The following FIGLA variants were observed in gnomAD, a reference collection of about 807,000 sequenced individuals.
FIGLA encodes factor in the germline alpha.
FIGLA carries 17 observed loss-of-function variants against 21.5 expected under a neutral mutation model. The observed-to-expected ratio is 0.79, with a 90% CI of 0.54 to 1.19. The LOEUF is 1.19. Among genes scored for constraint, FIGLA ranks in the 50% most tolerant of loss-of-function variants. FIGLA has a pLI of 0.00. For missense variants in FIGLA, 282 were observed against 285.0 expected (o/e 0.99, Z 0.08); for synonymous variants, 129 against 117.6 (o/e 1.10, Z -0.63).
At chr2:70,787,022 C>T (rs926240718) in intron 2 of FIGLA, among the ~76,000 whole-genome samples, 1 of 152,172 alleles carries the variant, frequency 6.6e-6, no homozygotes, top group African/African-American at 2.4e-5. Flanking sequence ...TCCATAAAAC[C>T]AGTCCACACT....
intron 3 of FIGLA, among the ~76,000 whole-genome samples, chr2:70,785,193 T>C (rs1675924594): frequency 6.6e-6 from 1 of 152,274 alleles, no homozygotes; most frequent in South Asian, 2.1e-4. Flanking sequence ...TAGGTCTGTA[T>C]TGGGTGGTTC....
intron 1 of FIGLA, among the ~76,000 whole-genome samples, chr2:70,789,103 ATAATGT>A (rs1676009432): frequency 6.6e-6 from 1 of 152,100 alleles, no homozygotes; most frequent in Non-Finnish European, 1.5e-5. Flanking sequence ...AATGCTTTTG[ATAATGT>A]TAAGTGGAAA....
rs781854674 is a variant in FIGLA, at chr2:70,785,614, T to C, written c.410A>G (p.Tyr137Cys). 4.3e-6 allele frequency: 7 copies of C among 1,613,918 alleles called. No homozygotes were observed. Among genetic ancestry groups the C allele is most frequent in the East Asian group, 2.2e-5 (1 of 44,892 alleles). ...ATGTGATTCAGAACTGTTGTTACTATAGCTCTGCTCATCTGGGTCTTGTTT... is the reference window on the plus strand; with the variant it reads ...ATGTGATTCAGAACTGTTGTTACTACAGCTCTGCTCATCTGGGTCTTGTTT... ...SKKQDPDEQSYSNNSSESHTS... is the reference protein window; with the variant it reads ...SKKQDPDEQSCSNNSSESHTS... Residue 137 changes from tyrosine to cysteine, a missense_variant, in exon 3 of 5, where the codon TAT becomes TGT. Coordinates refer to ENST00000332372, the MANE Select transcript of FIGLA (RefSeq NM_001004311.3).
At chr2:70,785,722 A>G in intron 2 of FIGLA, 83 bp from the exon 3 acceptor site, 1 of 1,032,070 alleles carries the variant, frequency 9.7e-7, no homozygotes, top group Non-Finnish European at 1.5e-6. Context: ...CAAAGTTTTA[A>G]CTGATGAGGT....
intron 3 of FIGLA, 145 bp downstream of exon 3, chr2:70,785,270 T>A: frequency 1.4e-6 from 1 of 729,284 alleles, no homozygotes. Context: ...TCTCCCAAAC[T>A]AGTAAACCCC....
In FIGLA at chr2:70,790,588, G is replaced by A. The variant is rs782214626; in HGVS notation, c.51C>T (p.Leu17=). The change falls in exon 1 of 5, where the codon CTC becomes CTT. Residue 17 remains leucine (L), a synonymous_variant. Coordinates refer to ENST00000332372, the MANE Select transcript of FIGLA (RefSeq NM_001004311.3). ...GCACCTCGGCTTGCGGGGTGCCCAGGAGCGCGGGCGGCGCGGCGCGGGGAT... is the reference window on the plus strand; with the variant it reads ...GCACCTCGGCTTGCGGGGTGCCCAGAAGCGCGGGCGGCGCGGCGCGGGGAT... ...VLDPRAAPPA[L]LGTPQAEVLE... is the part of the protein sequence containing the mutation. The A allele has an allele frequency of 2.7e-6, 4 of 1,488,050 alleles. 1 individual carries two copies. Among genetic ancestry groups the A allele is most frequent in the South Asian group, 2.6e-5 (2 of 77,880 alleles). The allele number at this position is 1,488,050 out of a possible 1,614,324, so 92.2% of individuals were successfully genotyped here. A position where few individuals can be genotyped will look rare whatever the true frequency, so the allele number is the denominator to read the frequency against.
In FIGLA at chr2:70,790,555, G is replaced by A. The variant is rs373561603; in HGVS notation, c.84C>T (p.Asp28=). The part of the protein sequence containing the change: ...LGTPQAEVLE[D]VLREQFGPLP... ...GCGGCCCGAACTGCTCCCGCAACAC[G>A]TCCTCCAGCACCTCGGCTTGCGGGG... is the stretch of plus-strand genomic sequence containing the variant. Residue 28 remains aspartate, a synonymous_variant, in exon 1 of 5, where the codon GAC becomes GAT. Transcript: ENST00000332372. 1.3e-6 allele frequency: 2 copies of A among 1,531,146 alleles called. No homozygotes were observed. Among genetic ancestry groups the A allele is most frequent in the Non-Finnish European group, 1.7e-6 (2 of 1,144,086 alleles). 94.8% of individuals were successfully genotyped at this position (1,531,146 alleles called of 1,614,324 possible). A position where few individuals can be genotyped will look rare whatever the true frequency, so the allele number is the denominator to read the frequency against.
intron 3 of FIGLA, among the ~76,000 whole-genome samples, chr2:70,778,441 A>G (rs1350044859): frequency 2.0e-5 from 3 of 151,972 alleles, no homozygotes; most frequent in African/African-American, 7.2e-5. Context: ...AGTGATCAAC[A>G]TTTCTTTCTT....
At chr2:70,779,174 C>G (rs1167281329) in intron 3 of FIGLA, among the ~76,000 whole-genome samples, 2 of 152,206 alleles carry the variant, frequency 1.3e-5, no homozygotes, top group African/African-American at 4.8e-5. Context: ...AATCCCAACA[C>G]CTTACCAGGT....
At chr2:70,790,252 G>A (rs1204805347) in intron 1 of FIGLA, among the ~76,000 whole-genome samples, 156 bp downstream of exon 1, 1 of 152,234 alleles carries the variant, frequency 6.6e-6, no homozygotes, top group Non-Finnish European at 1.5e-5. Flanking sequence ...GGAGGCCACT[G>A]CCATTCTCCT....
At chr2:70,785,799 A>G (rs1457546819) in intron 2 of FIGLA, among the ~76,000 whole-genome samples, 160 bp from the exon 3 acceptor site, 1 of 152,252 alleles carries the variant, frequency 6.6e-6, no homozygotes, top group Non-Finnish European at 1.5e-5. Flanking sequence ...AATTGACCGT[A>G]TTTTGTTCTC....
Position 70,785,648 on chromosome 2 carries a change from C to G in FIGLA, c.385-9G>C, listed in dbSNP as rs200634802. 1.2e-6 allele frequency: 2 copies of G among 1,602,812 alleles called. No individual in the cohort carries two copies. The highest frequency in any genetic ancestry group is 1.3e-5 in the African/African-American group (1 of 74,568). ...TCATCTGGGTCTTGTTTCTGGAAAC[C>G]ATATTTAGTTGTCAAACAGTATAAT... On this transcript the variant is annotated splice_polypyrimidine_tract_variant and intron_variant, in intron 2 of 4. Coordinates refer to ENST00000332372, the MANE Select transcript of FIGLA (RefSeq NM_001004311.3).
intron 2 of FIGLA, among the ~76,000 whole-genome samples, chr2:70,786,332 T>C (rs920452349): frequency 6.7e-6 from 1 of 149,662 alleles, no homozygotes; most frequent in African/African-American, 2.5e-5. Context: ...GGGGACAGAG[T>C]CTCGCTCTGT....
rs546012451 is a variant in FIGLA, at chr2:70,786,963, T to C, written c.384+686A>G. Among the ~76,000 whole-genome samples the C allele has an allele frequency of 3.3e-5, 5 of 152,330 alleles. No individual in the cohort carries two copies. In the South Asian group the frequency reaches 1.0e-3, roughly 32 times the overall value. On this transcript the variant is annotated intron_variant, in intron 2 of 4. Coordinates refer to ENST00000332372, the MANE Select transcript of FIGLA (RefSeq NM_001004311.3). ...TCTCTTCCTATTTTGTTTCCCCAGA[T>C]GACTGATTCATTTTCAGCCCATCAA...
In FIGLA at chr2:70,790,466, T is replaced by C. The variant is rs1553390712; in HGVS notation, c.173A>G (p.Glu58Gly). The change falls in exon 1 of 5, where the codon GAA becomes GGA. Residue 58 changes from glutamate to glycine, a missense_variant. Coordinates refer to ENST00000332372, the MANE Select transcript of FIGLA (RefSeq NM_001004311.3). Reference protein sequence around the residue: ...RLPSGGYSSTENLQLVLERRR... With the variant: ...RLPSGGYSSTGNLQLVLERRR... ...CCGCTCCAGCACCAACTGGAGGTTT[T>C]CAGTGGACGAGTAGCCGCCCGAGGG... is the stretch of plus-strand genomic sequence containing the variant. The C allele has an allele frequency of 6.5e-7, 1 of 1,545,052 alleles. No individual in the cohort carries two copies. Among genetic ancestry groups the C allele is most frequent in the Admixed American group, 2.0e-5 (1 of 50,866 alleles).
chr2:70,777,393 G>T lies in FIGLA; in HGVS notation c.645-11C>A. ...CATACTTGTGGAAGTCTGAAACAGAGAAAACATTCCATTATAAATAGTTAA... is the reference window on the plus strand; with the variant it reads ...CATACTTGTGGAAGTCTGAAACAGATAAAACATTCCATTATAAATAGTTAA... On this transcript the variant is annotated splice_polypyrimidine_tract_variant and intron_variant, in intron 4 of 4. Transcript: ENST00000332372. 1 of 1,476,044 alleles carries T rather than the reference G, an allele frequency of 6.8e-7. No individual in the cohort carries two copies. Among genetic ancestry groups the T allele is most frequent in the Non-Finnish European group, 9.0e-7 (1 of 1,107,946 alleles). The allele number at this position is 1,476,044 out of a possible 1,614,324, so 91.4% of individuals were successfully genotyped here.
intron 4 of FIGLA, 78 bp downstream of exon 4, chr2:70,777,559 T>G: frequency 6.4e-7 from 1 of 1,554,554 alleles, no homozygotes; most frequent in Non-Finnish European, 8.7e-7. Context: ...GCTAAGAATG[T>G]GATGGAATTA....
rs1332364930 is a variant in FIGLA at position 70,790,565 on chromosome 2, A to G, written c.74T>C (p.Val25Ala). ...CTGCTCCCGCAACACGTCCTCCAGC[A>G]CCTCGGCTTGCGGGGTGCCCAGGAG... ...PALLGTPQAE[V>A]LEDVLREQFG... Residue 25 changes from valine (V) to alanine (A), a missense_variant, in exon 1 of 5, where the codon GTG becomes GCG. Coordinates refer to ENST00000332372, the MANE Select transcript of FIGLA (RefSeq NM_001004311.3). 5 of 1,521,682 alleles carry G rather than the reference A, an allele frequency of 3.3e-6. No individual in the cohort carries two copies. The South Asian group carries it at 6.1e-5, about 19-fold the overall frequency. 94.3% of individuals were successfully genotyped at this position (1,521,682 alleles called of 1,614,324 possible).
intron 3 of FIGLA, among the ~76,000 whole-genome samples, chr2:70,782,868 T>A (rs999806131): frequency 9.2e-5 from 14 of 151,650 alleles, no homozygotes; most frequent in Non-Finnish European, 1.8e-4. Flanking sequence ...GGAATTTGAG[T>A]CCAGCCTGGC....
Sources: gnomAD v4.1 joint callset for allele counts (sites outside exome capture counted in the v4.1 genomes callset) on GRCh38, gnomAD v4.1.1 for gene constraint, MANE v1.5 for transcripts, NCBI Gene and HGNC (gene_info 2026-07-23, HGNC 2026-07-21) for gene names.